Variants in ADCY2 observed in about 807,000 individuals in gnomAD.
The protein encoded by ADCY2 is adenylate cyclase type 2.
In ADCY2, 31 loss-of-function variants were observed where a neutral mutation model predicts 125.2. The observed-to-expected ratio is 0.25, with a 90% CI of 0.19 to 0.33. ADCY2 has a LOEUF of 0.33. Among genes scored for constraint, ADCY2 ranks in the 10% least tolerant of loss-of-function variants. The probability of loss-of-function intolerance (pLI) is 1.00; values close to 1 mark genes in which losing one functional copy is unlikely to be tolerated. For missense variants in ADCY2, 904 were observed against 1,418.2 expected (o/e 0.64, Z 5.82); for synonymous variants, 512 against 548.4 (o/e 0.93, Z 0.93).
intron 2 of ADCY2, among the ~76,000 whole-genome samples, chr5:7,508,914 C>G (rs979863177): frequency 3.9e-5 from 6 of 152,176 alleles, no homozygotes; most frequent in African/African-American, 1.4e-4. Flanking sequence ...CACTATGATT[C>G]CAGGCCCAAG....
intron 2 of ADCY2, among the ~76,000 whole-genome samples, chr5:7,461,723 T>C (rs1008078353): frequency 6.6e-6 from 1 of 152,272 alleles, no homozygotes; most frequent in Non-Finnish European, 1.5e-5. Context: ...AGAAATTTAT[T>C]AGATAAATCT....
At chr5:7,536,450 C>A (rs985258388) in intron 3 of ADCY2, among the ~76,000 whole-genome samples, 4 of 152,194 alleles carry the variant, frequency 2.6e-5, no homozygotes, top group African/African-American at 4.8e-5. Context: ...TCATCCCCCC[C>A]ACATGCCCCA....
intron 16 of ADCY2, among the ~76,000 whole-genome samples, chr5:7,764,453 T>C (rs1347554134): frequency 6.6e-6 from 1 of 152,178 alleles, no homozygotes; most frequent in Non-Finnish European, 1.5e-5. Context: ...TTAACTATAG[T>C]CTAGTCAGGT....
chr5:7,621,674 T>C (rs1737958418), intron 3 of ADCY2, among the ~76,000 whole-genome samples: 1 of 152,220 alleles, frequency 6.6e-6, no homozygotes, highest in African/African-American at 2.4e-5. Flanking sequence ...AAGGTATATT[T>C]AGAAGGGCTA....
At chr5:7,533,522 A>G (rs1338583164) in intron 3 of ADCY2, among the ~76,000 whole-genome samples, 1 of 151,858 alleles carries the variant, frequency 6.6e-6, no homozygotes, top group Non-Finnish European at 1.5e-5. Context: ...TTTGTTCTGT[A>G]TTTCTAACAT....
chr5:7,508,867 G>A (rs555647118), intron 2 of ADCY2, among the ~76,000 whole-genome samples: 1 of 152,280 alleles, frequency 6.6e-6, no homozygotes, highest in Non-Finnish European at 1.5e-5. Flanking sequence ...ATCTGAATAG[G>A]TACTGGGGGA....
At chr5:7,404,785 C>T (rs1474201808) in intron 1 of ADCY2, among the ~76,000 whole-genome samples, 1 of 152,178 alleles carries the variant, frequency 6.6e-6, no homozygotes, top group African/African-American at 2.4e-5. Context: ...GGTGGCTCGT[C>T]CTTGCCCCAT....
At chr5:7,487,357 C>T (rs542698663) in intron 2 of ADCY2, among the ~76,000 whole-genome samples, 10 of 152,290 alleles carry the variant, frequency 6.6e-5, no homozygotes, top group African/African-American at 1.9e-4. Flanking sequence ...CATGAAGGTC[C>T]ACATTCCTCT....
chr5:7,546,107 G>A (rs548276908), intron 3 of ADCY2, among the ~76,000 whole-genome samples: 2 of 152,192 alleles, frequency 1.3e-5, no homozygotes, highest in South Asian at 2.1e-4. Context: ...ACAGCCCTCC[G>A]TTAGGGGACA....
chr5:7,407,867 CTTT>C (rs963332049), intron 1 of ADCY2, among the ~76,000 whole-genome samples: 5 of 127,896 alleles, frequency 3.9e-5, no homozygotes, highest in Non-Finnish European at 1.7e-5. Flanking sequence ...CTCTTCAGTT[CTTT>C]TTTTTTTTTT....
At chr5:7,612,945 G>A (rs1053335251) in intron 3 of ADCY2, among the ~76,000 whole-genome samples, 9 of 152,160 alleles carry the variant, frequency 5.9e-5, no homozygotes, top group African/African-American at 2.2e-4. Flanking sequence ...GAACCCGGGA[G>A]GCGGAGCTTG....
intron 2 of ADCY2, among the ~76,000 whole-genome samples, chr5:7,502,961 G>T (rs1416000136): frequency 6.6e-6 from 1 of 152,142 alleles, no homozygotes; most frequent in Non-Finnish European, 1.5e-5. Context: ...GTCCTTCTGA[G>T]TTCCTGTGGC....
At chr5:7,717,474 G>A (rs1458554479) in intron 12 of ADCY2, among the ~76,000 whole-genome samples, 1 of 152,128 alleles carries the variant, frequency 6.6e-6, no homozygotes, top group African/African-American at 2.4e-5. Context: ...AACAACCTGA[G>A]GTGTAATTGG....
At chr5:7,413,485 A>G (rs1308837545) in intron 1 of ADCY2, among the ~76,000 whole-genome samples, 1 of 151,182 alleles carries the variant, frequency 6.6e-6, no homozygotes, top group Non-Finnish European at 1.5e-5. Flanking sequence ...TTTTTAGTAG[A>G]GACTGGGTTT....
rs1411962625 is a variant in ADCY2 at position 7,727,032 on chromosome 5, T to C, written c.1774-132T>C. 3 of 639,046 alleles carry C rather than the reference T, an allele frequency of 4.7e-6. No individual in the cohort carries two copies. The African/African-American group carries it at 5.5e-5, about 12-fold the overall frequency. 39.6% of individuals were successfully genotyped at this position (639,046 alleles called of 1,614,324 possible). A position where few individuals can be genotyped will look rare whatever the true frequency, so the allele number is the denominator to read the frequency against. Reference sequence around the variant, plus strand: ...TGCTGAGATGAACAGGCTTTCTCCTTAGCTCACGTTGGCTGCAATCTGCAC... The same window carrying C: ...TGCTGAGATGAACAGGCTTTCTCCTCAGCTCACGTTGGCTGCAATCTGCAC... On this transcript the variant is annotated intron_variant, in intron 13 of 24. Transcript: ENST00000338316.
intron 19 of ADCY2, among the ~76,000 whole-genome samples, chr5:7,789,062 A>G (rs12656715): frequency 0.34 from 52,071 of 152,122 alleles, 9,288 homozygotes; most frequent in Admixed American, 0.48. Context: ...AACAGGCACT[A>G]TCTTAATTAA....
At chr5:7,648,924 T>G (rs1738992732) in intron 4 of ADCY2, among the ~76,000 whole-genome samples, 1 of 152,284 alleles carries the variant, frequency 6.6e-6, no homozygotes, top group African/African-American at 2.4e-5. Context: ...TAGAACTTAG[T>G]GGACATAAAA....
At chr5:7,623,897 CAG>C (rs1157817344) in intron 3 of ADCY2, among the ~76,000 whole-genome samples, 6 of 152,200 alleles carry the variant, frequency 3.9e-5, no homozygotes, top group African/African-American at 1.4e-4. Context: ...ACCACACACA[CAG>C]AGCAATTCCC....
chr5:7,459,287 C>T (rs968506236), intron 2 of ADCY2, among the ~76,000 whole-genome samples: 3 of 152,118 alleles, frequency 2.0e-5, no homozygotes, highest in African/African-American at 7.2e-5. Flanking sequence ...TGTTCTCTGC[C>T]CATTGAGGGA....
Sources: gnomAD v4.1 joint callset for allele counts (sites outside exome capture counted in the v4.1 genomes callset) on GRCh38, gnomAD v4.1.1 for gene constraint, MANE v1.5 for transcripts, NCBI Gene and HGNC (gene_info 2026-07-23, HGNC 2026-07-21) for gene names.